Variants in IL23R observed in about 807,000 individuals in gnomAD.
IL23R encodes the protein interleukin-23 receptor.
In IL23R, 34 loss-of-function variants were observed where a neutral mutation model predicts 56.9. The ratio of observed to expected loss-of-function variants is 0.60; its 90% confidence interval spans 0.45 to 0.80. IL23R has a LOEUF of 0.80. Among genes scored for constraint, IL23R ranks in the 30% least tolerant of loss-of-function variants. IL23R has a pLI of 0.00. For synonymous variants in IL23R, 230 were observed against 249.2 expected (o/e 0.92, Z 0.73); for missense variants, 635 against 730.0 (o/e 0.87, Z 1.50).
chr1:67,201,029 A>G (rs1648590364), intron 5 of IL23R, 132 bp downstream of exon 5: 1 of 883,668 alleles, frequency 1.1e-6, no homozygotes, highest in East Asian at 2.6e-5. Flanking sequence ...GAAATTACCC[A>G]TAATTCTACC....
chr1:67,207,031 G>A lies in IL23R; in HGVS notation c.774G>A (p.Lys258=). 3.7e-6 allele frequency: 6 copies of A among 1,613,650 alleles called. No individual in the cohort carries two copies. The highest frequency in any genetic ancestry group is 5.1e-6 in the Non-Finnish European group (6 of 1,179,914). ...IEKVSCEMRY[K]ATTNQTWNVK... is the part of the protein sequence containing the mutation. The stretch of plus-strand genomic sequence containing the variant: ...AGGTTTCCTGTGAAATGAGATACAA[G>A]GCTACAACAAACCAAACTTGGAATG... The change falls in exon 6 of 11, where the codon AAG becomes AAA. Residue 258 remains lysine (K), a synonymous_variant. Coordinates refer to ENST00000347310, the MANE Select transcript of IL23R (RefSeq NM_144701.3).
At chr1:67,247,459 C>G (rs569922593) in intron 9 of IL23R, among the ~76,000 whole-genome samples, 1 of 152,118 alleles carries the variant, frequency 6.6e-6, no homozygotes, top group African/African-American at 2.4e-5. Flanking sequence ...CATGTGCCAC[C>G]ATGCCTGGCT....
chr1:67,249,908 T>C (rs776844495), intron 9 of IL23R, among the ~76,000 whole-genome samples: 6 of 152,194 alleles, frequency 3.9e-5, no homozygotes, highest in Non-Finnish European at 8.8e-5. Flanking sequence ...AAGAAAAACA[T>C]GTTGTGCTTT....
Position 67,240,286 on chromosome 1 carries a change from G to A in IL23R, c.1148+5G>A, listed in dbSNP as rs1382458841. On this transcript the variant is annotated splice_donor_5th_base_variant and intron_variant, in intron 9 of 10. Transcript: ENST00000347310. ...TAACAGATCATTCCGAACTGGGTAG[G>A]TTTTTGCAGAATTTCTGTTTTCTGA... 4.4e-6 allele frequency: 7 copies of A among 1,593,888 alleles called. No individual in the cohort carries two copies. In the African/African-American group the frequency reaches 6.7e-5, roughly 15 times the overall value.
chr1:67,220,762 T>C (rs1333151290), intron 7 of IL23R, among the ~76,000 whole-genome samples: 4 of 152,144 alleles, frequency 2.6e-5, no homozygotes, highest in Non-Finnish European at 4.4e-5. Flanking sequence ...TCCCAGCTAC[T>C]TGGGGACTAC....
chr1:67,199,229 A>G (rs60505861), intron 4 of IL23R, among the ~76,000 whole-genome samples: 6,239 of 152,216 alleles, frequency 0.041, 454 homozygotes, highest in African/African-American at 0.14. Context: ...CATTTTCAGG[A>G]TCCAGGCTAT....
At chr1:67,165,947 T>C (rs1646869547), upstream of IL23R, among the ~76,000 whole-genome samples, 1 of 152,232 alleles carries the variant, frequency 6.6e-6, no homozygotes, top group South Asian at 2.1e-4. Context: ...TGAAATTTGC[T>C]TGAATGTTCT....
At chr1:67,230,804 G>A (rs540511965) in intron 7 of IL23R, among the ~76,000 whole-genome samples, 2 of 152,194 alleles carry the variant, frequency 1.3e-5, no homozygotes, top group African/African-American at 4.8e-5. Flanking sequence ...GTGCCTATTT[G>A]ATATGTTGGC....
At chr1:67,255,502 G>A (rs1232302115) in intron 9 of IL23R, among the ~76,000 whole-genome samples, 1 of 151,860 alleles carries the variant, frequency 6.6e-6, no homozygotes, top group Admixed American at 6.6e-5. Flanking sequence ...GCAGTGGCAT[G>A]GTCACAGCTC....
At chr1:67,252,823 A>T (rs1361094856) in intron 9 of IL23R, among the ~76,000 whole-genome samples, 3 of 146,916 alleles carry the variant, frequency 2.0e-5, no homozygotes, top group African/African-American at 7.5e-5. Flanking sequence ...AAAAAAAGAG[A>T]GAAGTGACAT....
chr1:67,204,208 C>T (rs1490873418), intron 5 of IL23R, among the ~76,000 whole-genome samples: 3 of 152,168 alleles, frequency 2.0e-5, no homozygotes, highest in African/African-American at 4.8e-5. Context: ...GGACTACAGG[C>T]GCCAGCCACC....
chr1:67,199,950 G>A (rs181741185), intron 4 of IL23R, among the ~76,000 whole-genome samples: 9 of 152,284 alleles, frequency 5.9e-5, no homozygotes, highest in East Asian at 1.9e-4. Context: ...TGAAATGCAC[G>A]GATTGCTTGA....
At chr1:67,148,132 G>C (rs1646696078) in intron 1 of IL23R, among the ~76,000 whole-genome samples, 1 of 152,240 alleles carries the variant, frequency 6.6e-6, no homozygotes, top group African/African-American at 2.4e-5. Context: ...CCTCTAGCCC[G>C]ATCCGCAGCG....
At chr1:67,205,917 T>C (rs1347353757) in intron 5 of IL23R, among the ~76,000 whole-genome samples, 1 of 144,850 alleles carries the variant, frequency 6.9e-6, no homozygotes, top group African/African-American at 2.6e-5. Context: ...CTTTCTTTCT[T>C]TCTTTCTTTT....
intron 1 of IL23R, among the ~76,000 whole-genome samples, chr1:67,144,342 A>G (rs1236137720): frequency 6.6e-6 from 1 of 152,224 alleles, no homozygotes; most frequent in East Asian, 1.9e-4. Context: ...TTATATTGGC[A>G]TTCCTTCTAG....
intron 7 of IL23R, among the ~76,000 whole-genome samples, chr1:67,230,187 AC>A (rs1344762088): frequency 6.6e-6 from 1 of 152,130 alleles, no homozygotes; most frequent in African/African-American, 2.4e-5. Context: ...CCCTATGTCA[AC>A]CCTTCAACAT....
At chr1:67,184,048 A>G (rs1446759935) in intron 4 of IL23R, among the ~76,000 whole-genome samples, 1 of 152,018 alleles carries the variant, frequency 6.6e-6, no homozygotes, top group African/African-American at 2.4e-5. Context: ...AGCCTGGCCA[A>G]CATGGTGAAA....
At chr1:67,202,977 T>C (rs1648746557) in intron 5 of IL23R, among the ~76,000 whole-genome samples, 1 of 152,226 alleles carries the variant, frequency 6.6e-6, no homozygotes, top group Non-Finnish European at 1.5e-5. Flanking sequence ...CTATGCTCTA[T>C]ACATTTTTGT....
chr1:67,158,758 T>G (rs1390192373), intron 1 of IL23R, among the ~76,000 whole-genome samples: 5 of 152,030 alleles, frequency 3.3e-5, no homozygotes, highest in African/African-American at 1.2e-4. Flanking sequence ...GGTTTGGATT[T>G]GTGTGCCAGC....
Sources: gnomAD v4.1 joint callset for allele counts (sites outside exome capture counted in the v4.1 genomes callset) on GRCh38, gnomAD v4.1.1 for gene constraint, MANE v1.5 for transcripts, NCBI Gene and HGNC (gene_info 2026-07-23, HGNC 2026-07-21) for gene names.